Variants in AUTS2 observed in about 807,000 individuals in gnomAD.
AUTS2 encodes the protein autism susceptibility gene 2 protein.
Under a neutral mutation model 112.4 loss-of-function variants are expected in AUTS2, and 17 were observed. The observed-to-expected ratio is 0.15, with a 90% CI of 0.10 to 0.23. AUTS2 has a LOEUF of 0.23. Among genes scored for constraint, AUTS2 ranks in the 10% least tolerant of loss-of-function variants. AUTS2 has a pLI of 1.00. For missense variants in AUTS2, 1,510 were observed against 1,701.6 expected (o/e 0.89, Z 1.98); for synonymous variants, 751 against 702.7 (o/e 1.07, Z -1.09).
chr7:70,766,446 C>A lies in AUTS2; in HGVS notation c.1689+112C>A. On this transcript the variant is annotated intron_variant, in intron 9 of 18. Coordinates refer to ENST00000342771, the MANE Select transcript of AUTS2 (RefSeq NM_015570.4). The surrounding 1 kb of genome is among the most constrained non-coding windows in gnomAD (Gnocchi z 4.8). ...CCACCAGAGATCGAATGGGGACTGA[C>A]GGCTGTTGGCTGGAGAGAAGGGAAT... is the stretch of plus-strand genomic sequence containing the variant. 2.2e-6 allele frequency: 3 copies of A among 1,344,814 alleles called. No homozygotes were observed. Among genetic ancestry groups the A allele is most frequent in the Non-Finnish European group, 2.1e-6 (2 of 967,174 alleles). 83.3% of individuals were successfully genotyped at this position (1,344,814 alleles called of 1,614,324 possible).
At chr7:69,680,108 G>C (rs543749846) in intron 1 of AUTS2, among the ~76,000 whole-genome samples, 1 of 152,174 alleles carries the variant, frequency 6.6e-6, no homozygotes, top group Non-Finnish European at 1.5e-5. Context: ...AATGGCACGT[G>C]TATGTTATTC....
intron 5 of AUTS2, among the ~76,000 whole-genome samples, chr7:70,683,991 C>A (rs893534906): frequency 3.8e-4 from 58 of 152,168 alleles, no homozygotes; most frequent in African/African-American, 1.2e-3. Flanking sequence ...TAAGGGAATT[C>A]TACGACATTC....
At chr7:70,714,387 G>A (rs532913346) in intron 6 of AUTS2, among the ~76,000 whole-genome samples, 27 of 151,868 alleles carry the variant, frequency 1.8e-4, no homozygotes, top group Non-Finnish European at 3.2e-4. Context: ...ATCATTTTAC[G>A]ACTACATACT....
At chr7:70,038,127 C>T (rs1053362462) in intron 2 of AUTS2, among the ~76,000 whole-genome samples, 8 of 151,784 alleles carry the variant, frequency 5.3e-5, no homozygotes, top group South Asian at 2.1e-4. Context: ...AAATGGACTG[C>T]GGTGAGGGAG....
intron 4 of AUTS2, among the ~76,000 whole-genome samples, chr7:70,333,826 AG>A: frequency 6.6e-6 from 1 of 152,210 alleles, no homozygotes; most frequent in Non-Finnish European, 1.5e-5. Flanking sequence ...GGGCTAGGGG[AG>A]GGATAGCATT....
chr7:69,875,983 C>G lies in AUTS2; in HGVS notation c.310-23303C>G, dbSNP rs144529965. On this transcript the variant is annotated intron_variant, in intron 1 of 18. Transcript: ENST00000342771. Reference sequence around the variant, plus strand: ...TGTTTTGGATATATGTGCATACTGACCTTCTGCCTTTTAATAAATCTAGAA... The same window carrying G: ...TGTTTTGGATATATGTGCATACTGAGCTTCTGCCTTTTAATAAATCTAGAA... Among the ~76,000 whole-genome samples the G allele has an allele frequency of 4.1e-3, 621 of 152,110 alleles. 5 individuals carry two copies. Among genetic ancestry groups the G allele is most frequent in the African/African-American group, 0.014 (573 of 41,490 alleles).
chr7:70,246,236 T>C (rs1432823738), intron 4 of AUTS2, among the ~76,000 whole-genome samples: 1 of 152,102 alleles, frequency 6.6e-6, no homozygotes, highest in Non-Finnish European at 1.5e-5. Context: ...TCCTGTATAG[T>C]TTGAGTCTTG....
rs529565755 is a variant in AUTS2, at chr7:70,096,318, C to T, written c.523-21814C>T. ...TGAATAAAAAAATTGTTGAAAAAGCCGGTCGCAGTGGCTCACGTCTGTAAT... is the reference window on the plus strand; with the variant it reads ...TGAATAAAAAAATTGTTGAAAAAGCTGGTCGCAGTGGCTCACGTCTGTAAT... On this transcript the variant is annotated intron_variant, in intron 2 of 18. Coordinates refer to ENST00000342771, the MANE Select transcript of AUTS2 (RefSeq NM_015570.4). Among the ~76,000 whole-genome samples the T allele has an allele frequency of 2.4e-4, 36 of 151,990 alleles. 1 individual carries two copies. The highest frequency in any genetic ancestry group is 8.3e-4 in the South Asian group (4 of 4,806).
intron 6 of AUTS2, among the ~76,000 whole-genome samples, chr7:70,717,909 G>A (rs1238923973): frequency 1.3e-5 from 2 of 152,140 alleles, no homozygotes; most frequent in Admixed American, 1.3e-4. Context: ...TACACCCAGC[G>A]CCACCTGCCA....
chr7:70,568,679 A>T (rs1801809054), intron 5 of AUTS2, among the ~76,000 whole-genome samples: 1 of 152,156 alleles, frequency 6.6e-6, no homozygotes, highest in Non-Finnish European at 1.5e-5. Context: ...CAGACCAGGT[A>T]TGTGAGGGCT....
intron 5 of AUTS2, among the ~76,000 whole-genome samples, chr7:70,620,793 G>A (rs747342660): frequency 2.0e-5 from 3 of 152,152 alleles, no homozygotes; most frequent in Non-Finnish European, 4.4e-5. Context: ...GCTGGCACTG[G>A]CTCCATGGCC....
chr7:70,784,763 A>C (rs1264706945), intron 15 of AUTS2, 179 bp from the exon 16 acceptor site: 5 of 421,978 alleles, frequency 1.2e-5, no homozygotes, highest in African/African-American at 4.2e-5. Flanking sequence ...AAAAAAAAAA[A>C]AAAAAAAAAA....
At position 70,490,330 on chromosome 7, in the gene AUTS2, A is replaced by G. The variant is rs115074372; in HGVS notation, c.690+54549A>G. Among the ~76,000 whole-genome samples, 1,403 of 152,126 alleles carry G rather than the reference A, an allele frequency of 9.2e-3. 24 individuals carry two copies. Among genetic ancestry groups the G allele is most frequent in the African/African-American group, 0.032 (1,310 of 41,532 alleles). On this transcript the variant is annotated intron_variant, in intron 5 of 18. Coordinates refer to ENST00000342771, the MANE Select transcript of AUTS2 (RefSeq NM_015570.4). ...ACAAATACCAATTCACCAAGAATGA[A>G]GAAGATGTTATCAGTGCAGATCTTA...
At chr7:69,670,677 T>C (rs1796279408) in intron 1 of AUTS2, among the ~76,000 whole-genome samples, 1 of 151,032 alleles carries the variant, frequency 6.6e-6, no homozygotes, top group Non-Finnish European at 1.5e-5. Flanking sequence ...AGGAGTTGGT[T>C]ACCAATCTGG....
chr7:70,028,386 T>C (rs1584602751), intron 2 of AUTS2, among the ~76,000 whole-genome samples: 1 of 152,214 alleles, frequency 6.6e-6, no homozygotes. Context: ...GCAGGTCCAG[T>C]GTCCTGGTCG....
intron 6 of AUTS2, among the ~76,000 whole-genome samples, chr7:70,747,318 T>C (rs931275436): frequency 5.3e-5 from 8 of 152,210 alleles, no homozygotes; most frequent in Non-Finnish European, 1.0e-4. Flanking sequence ...AGGATTATAA[T>C]TGTGAGTGGT....
intron 5 of AUTS2, among the ~76,000 whole-genome samples, chr7:70,569,226 T>G (rs757885174): frequency 1.3e-5 from 2 of 152,184 alleles, no homozygotes; most frequent in Non-Finnish European, 2.9e-5. Flanking sequence ...AGCCAGCACG[T>G]TATGGGAAAG....
chr7:70,294,841 C>T (rs892489442), intron 4 of AUTS2, among the ~76,000 whole-genome samples: 1 of 152,166 alleles, frequency 6.6e-6, no homozygotes, highest in African/African-American at 2.4e-5. Context: ...AATGCATAAG[C>T]CTGGAGTCGT....
At chr7:70,315,370 A>G (rs891473444) in intron 4 of AUTS2, among the ~76,000 whole-genome samples, 1 of 152,234 alleles carries the variant, frequency 6.6e-6, no homozygotes, top group Non-Finnish European at 1.5e-5. Context: ...TTATATGGCT[A>G]TGGAAACTTG....
Sources: gnomAD v4.1 joint callset for allele counts (sites outside exome capture counted in the v4.1 genomes callset) on GRCh38, gnomAD v4.1.1 for gene constraint, Gnocchi (gnomAD v3.1) non-coding constraint, MANE v1.5 for transcripts, NCBI Gene and HGNC (gene_info 2026-07-23, HGNC 2026-07-21) for gene names.